PPP3CA: variants seen among roughly 807,000 people sequenced by gnomAD.
The protein encoded by PPP3CA is CAM-PRP catalytic subunit.
Under a neutral mutation model 66.5 loss-of-function variants are expected in PPP3CA, and 14 were observed. That is an observed-to-expected ratio of 0.21 (90% CI 0.14 to 0.33). The LOEUF (loss-of-function observed/expected upper bound fraction) is 0.33. PPP3CA is among the 10% of genes least tolerant of loss of function. The pLI is 1.00. For synonymous variants in PPP3CA, 232 were observed against 226.2 expected (o/e 1.03, Z -0.23); for missense variants, 317 against 639.5 (o/e 0.50, Z 5.44).
intron 1 of PPP3CA, among the ~76,000 whole-genome samples, chr4:101,312,810 A>C (rs554388412): frequency 3.6e-4 from 55 of 152,356 alleles, no homozygotes; most frequent in African/African-American, 1.3e-3. Context: ...AAAAGTAAGC[A>C]TAAGTGCTTT....
At chr4:101,331,538 T>C (rs1430095937) in intron 1 of PPP3CA, among the ~76,000 whole-genome samples, 2 of 152,140 alleles carry the variant, frequency 1.3e-5, no homozygotes, top group Admixed American at 6.6e-5. Context: ...TTGTGATCCA[T>C]CGTGCGTACA....
chr4:101,278,759 C>A (rs1056327113), intron 1 of PPP3CA, among the ~76,000 whole-genome samples: 1 of 152,052 alleles, frequency 6.6e-6, no homozygotes, highest in Non-Finnish European at 1.5e-5. Context: ...TCACCCTGGT[C>A]ATAAGCACCC....
chr4:101,269,717 G>A (rs1474881640), intron 1 of PPP3CA, among the ~76,000 whole-genome samples: 1 of 152,034 alleles, frequency 6.6e-6, no homozygotes, highest in Non-Finnish European at 1.5e-5. Context: ...TTTCATAGCT[G>A]TGAAACACAA....
Position 101,088,254 on chromosome 4 carries a change from C to T in PPP3CA, c.783-4991G>A, listed in dbSNP as rs534459065. Reference sequence around the variant, plus strand: ...CTTTGTGAGCTCTGCTACTGGACTGCCATTTTCTTGAAGGCAGGGACTCAG... The same window carrying T: ...CTTTGTGAGCTCTGCTACTGGACTGTCATTTTCTTGAAGGCAGGGACTCAG... On this transcript the variant is annotated intron_variant, in intron 6 of 13. Transcript: ENST00000394854. 4.1e-4 allele frequency among the ~76,000 whole-genome samples: 63 copies of T among 152,200 alleles called. No individual in the cohort carries two copies. The South Asian group carries it at 5.0e-3, about 12-fold the overall frequency.
intron 3 of PPP3CA, among the ~76,000 whole-genome samples, chr4:101,102,920 G>T (rs1401447647): frequency 6.6e-6 from 1 of 152,082 alleles, no homozygotes; most frequent in Non-Finnish European, 1.5e-5. Context: ...GACCGCTATT[G>T]TCTTTCTATT....
intron 2 of PPP3CA, among the ~76,000 whole-genome samples, chr4:101,164,298 T>A (rs1402559047): frequency 6.6e-6 from 1 of 152,162 alleles, no homozygotes; most frequent in Admixed American, 6.5e-5. Context: ...CTTTTATAAT[T>A]TACTTATTTA....
intron 1 of PPP3CA, among the ~76,000 whole-genome samples, chr4:101,338,356 C>T (rs1729702569): frequency 6.6e-6 from 1 of 152,222 alleles, no homozygotes; most frequent in East Asian, 1.9e-4. Context: ...CAAGACTCAT[C>T]AGACATTTGT....
At chr4:101,259,572 G>A (rs912951776) in intron 1 of PPP3CA, among the ~76,000 whole-genome samples, 2 of 152,124 alleles carry the variant, frequency 1.3e-5, no homozygotes, top group African/African-American at 4.8e-5. Context: ...CTTAAAAAAT[G>A]TGTTTCTGGC....
intron 1 of PPP3CA, among the ~76,000 whole-genome samples, chr4:101,236,296 G>A (rs377305978): frequency 2.0e-5 from 3 of 150,948 alleles, no homozygotes; most frequent in African/African-American, 4.9e-5. Flanking sequence ...ATAGTCATGT[G>A]AAAAGCAGAA....
At chr4:101,117,269 T>C (rs555917127) in intron 2 of PPP3CA, among the ~76,000 whole-genome samples, 2 of 152,000 alleles carry the variant, frequency 1.3e-5, no homozygotes, top group South Asian at 4.1e-4. Flanking sequence ...GTAACTGTAA[T>C]CAGATGGAAA....
chr4:101,101,211 T>TA lies in PPP3CA; in HGVS notation c.385-1490dup, dbSNP rs3842504. 2.4e-3 allele frequency among the ~76,000 whole-genome samples: 361 copies of TA among 152,288 alleles called. 4 individuals carry two copies. The highest frequency in any genetic ancestry group is 0.021 in the East Asian group (111 of 5,184). ...CCAAATGGCCTGTACAAGCGATCCTTAAAGCATCATGATCTGTTGATGTAT... is the reference window on the plus strand; with the variant it reads ...CCAAATGGCCTGTACAAGCGATCCTTAAAAGCATCATGATCTGTTGATGTAT... On this transcript the variant is annotated intron_variant, in intron 3 of 13. Coordinates refer to ENST00000394854, the MANE Select transcript of PPP3CA (RefSeq NM_000944.5).
At chr4:101,177,431 T>C (rs1291147568) in intron 2 of PPP3CA, among the ~76,000 whole-genome samples, 2 of 152,166 alleles carry the variant, frequency 1.3e-5, no homozygotes, top group African/African-American at 4.8e-5. Context: ...TCCTGATTCA[T>C]AGTAGTCCTG....
At chr4:101,101,698 T>A (rs1197969517) in intron 3 of PPP3CA, among the ~76,000 whole-genome samples, 5 of 152,178 alleles carry the variant, frequency 3.3e-5, no homozygotes, top group Non-Finnish European at 7.4e-5. Flanking sequence ...AAATCACAGA[T>A]TAATTAATTT....
intron 3 of PPP3CA, among the ~76,000 whole-genome samples, chr4:101,103,091 T>C (rs1730520112): frequency 6.6e-6 from 1 of 152,222 alleles, no homozygotes; most frequent in African/African-American, 2.4e-5. Flanking sequence ...GCACTAAGAA[T>C]ATAATTTTCT....
rs541619922 is a variant in PPP3CA, at chr4:101,190,394, G to A, written c.259+5522C>T. On this transcript the variant is annotated intron_variant, in intron 2 of 13. Coordinates refer to ENST00000394854, the MANE Select transcript of PPP3CA (RefSeq NM_000944.5). ...GTACCAATTCATGAGAACATAAAAG[G>A]GATGTTAAAAGGGATATGTATACTG... Among the ~76,000 whole-genome samples the A allele has an allele frequency of 4.2e-3, 640 of 152,190 alleles. 4 individuals carry two copies. The highest frequency in any genetic ancestry group is 6.9e-3 in the Non-Finnish European group (471 of 67,998).
chr4:101,042,301 T>C (rs890899225), intron 10 of PPP3CA, among the ~76,000 whole-genome samples: 1 of 151,846 alleles, frequency 6.6e-6, no homozygotes, highest in Non-Finnish European at 1.5e-5. Context: ...TGCATGGGTG[T>C]TCCCCAGAGG....
chr4:101,295,923 T>C (rs1482650478), intron 1 of PPP3CA, among the ~76,000 whole-genome samples: 2 of 152,216 alleles, frequency 1.3e-5, no homozygotes, highest in Non-Finnish European at 2.9e-5. Flanking sequence ...CAACAAGTTA[T>C]GAACTTTAGA....
At chr4:101,132,498 A>G (rs1722478051) in intron 2 of PPP3CA, among the ~76,000 whole-genome samples, 1 of 152,228 alleles carries the variant, frequency 6.6e-6, no homozygotes, top group East Asian at 1.9e-4. Flanking sequence ...TAGAAAATCT[A>G]GAAGAAATGG....
rs115036163 is a variant in PPP3CA, at chr4:101,303,130, T to C, written c.58+43609A>G. Among the ~76,000 whole-genome samples, 451 of 152,346 alleles carry C rather than the reference T, an allele frequency of 3.0e-3. 4 individuals are homozygous for C. Among genetic ancestry groups the C allele is most frequent in the African/African-American group, 0.01 (429 of 41,576 alleles). On this transcript the variant is annotated intron_variant, in intron 1 of 13. Transcript: ENST00000394854. ...GGAAATACAAGGACAGATTCTGTAA[T>C]TCTGTATATTTACCTCTAGGTTCAG...
Sources: gnomAD v4.1 joint callset for allele counts (sites outside exome capture counted in the v4.1 genomes callset) on GRCh38, gnomAD v4.1.1 for gene constraint, MANE v1.5 for transcripts, NCBI Gene and HGNC (gene_info 2026-07-23, HGNC 2026-07-21) for gene names.